Variants in LATS2 observed in about 807,000 individuals in gnomAD.
The protein encoded by LATS2 is large tumor suppressor kinase 2.
In LATS2, 24 loss-of-function variants were observed where a neutral mutation model predicts 76.0. The ratio of observed to expected loss-of-function variants is 0.32; its 90% CI spans 0.23 to 0.44. LATS2 has a LOEUF of 0.44. Ranked by LOEUF, LATS2 falls within the 20% of genes least tolerant of loss-of-function variation. The probability of loss-of-function intolerance (pLI) is 1.00; values close to 1 mark genes in which losing one functional copy is unlikely to be tolerated. For synonymous variants in LATS2, 692 were observed against 635.4 expected (o/e 1.09, Z -1.34); for missense variants, 1,286 against 1,481.2 (o/e 0.87, Z 2.16).
intron 1 of LATS2, among the ~76,000 whole-genome samples, chr13:21,054,446 T>C (rs1873382988): frequency 6.6e-6 from 1 of 151,962 alleles, no homozygotes; most frequent in African/African-American, 2.4e-5. Flanking sequence ...TAAACATAGC[T>C]ACACAATGAG....
Position 20,981,456 on chromosome 13 carries a change from G to A in LATS2, c.2665+10C>T. On this transcript the variant is annotated intron_variant, in intron 6 of 7. Coordinates refer to ENST00000382592, the MANE Select transcript of LATS2 (RefSeq NM_014572.3). ...ACCTCCTGCGGGGTGGCTGGCCATG[G>A]CGCATGTACCTTTGCGGAGGAGCAC... 2 of 1,609,332 alleles carry A rather than the reference G, an allele frequency of 1.2e-6. No homozygotes were observed. The highest frequency in any genetic ancestry group is 1.7e-6 in the Non-Finnish European group (2 of 1,177,374).
chr13:20,975,249 C>G lies in LATS2; in HGVS notation c.2888G>C (p.Gly963Ala). 6.2e-7 allele frequency: 1 copy of G among 1,614,200 alleles called. No homozygotes were observed. The highest frequency in any genetic ancestry group is 8.5e-7 in the Non-Finnish European group (1 of 1,180,040). ...GGGGTGGGCCTTCAGGTCATCGGCC[C>G]CATTCCGCCCCAGGCGGTGGTCTGC... ...CSADHRLGRNGADDLKAHPFF... is the reference protein window; with the variant it reads ...CSADHRLGRNAADDLKAHPFF... The change falls in exon 8 of 8, where the codon GGG (glycine) becomes GCG (alanine). Residue 963 changes from glycine to alanine, a missense_variant. Around this residue, in one of 5 missense-constraint regions of LATS2, gnomAD observed 210 missense variants for 234.9 expected, o/e 0.89. Coordinates refer to ENST00000382592, the MANE Select transcript of LATS2 (RefSeq NM_014572.3).
chr13:21,043,081 C>T (rs1872941253), intron 2 of LATS2, among the ~76,000 whole-genome samples: 1 of 152,106 alleles, frequency 6.6e-6, no homozygotes, highest in Admixed American at 6.6e-5. Context: ...CGCCTGTAAT[C>T]CCAGCACCTT....
chr13:21,049,541 C>T (rs1239445942), intron 1 of LATS2, among the ~76,000 whole-genome samples: 1 of 152,198 alleles, frequency 6.6e-6, no homozygotes, highest in African/African-American at 2.4e-5. Flanking sequence ...GGCTCACTCA[C>T]ATTCCTTACA....
intron 1 of LATS2, among the ~76,000 whole-genome samples, chr13:21,060,960 G>A (rs1245735543): frequency 1.3e-5 from 2 of 151,400 alleles, no homozygotes; most frequent in African/African-American, 2.4e-5. Flanking sequence ...CGGCCTTTCG[G>A]GTCTAGGACA....
chr13:20,981,041 G>A (rs1357220447), intron 6 of LATS2, among the ~76,000 whole-genome samples: 3 of 152,172 alleles, frequency 2.0e-5, no homozygotes, highest in South Asian at 2.1e-4. Context: ...ATCTTCCAAC[G>A]CTGTCACATA....
intron 2 of LATS2, among the ~76,000 whole-genome samples, chr13:20,993,107 G>A (rs190615811): frequency 1.2e-4 from 18 of 151,844 alleles, no homozygotes; most frequent in African/African-American, 3.1e-4. Context: ...GGGGGAGGCC[G>A]TGCAGGGCTG....
At chr13:21,039,582 A>G (rs903205409) in intron 2 of LATS2, among the ~76,000 whole-genome samples, 4 of 152,200 alleles carry the variant, frequency 2.6e-5, no homozygotes, top group Non-Finnish European at 4.4e-5. Context: ...TGGCTGGACT[A>G]GTACACAGAA....
chr13:20,996,138 G>A (rs969078773), intron 2 of LATS2, among the ~76,000 whole-genome samples: 25 of 152,272 alleles, frequency 1.6e-4, no homozygotes, highest in African/African-American at 5.3e-4. Flanking sequence ...CATCATATGA[G>A]CACCAGATTT....
At chr13:20,979,601 A>T in intron 7 of LATS2, 90 bp downstream of exon 7, 1 of 629,338 alleles carries the variant, frequency 1.6e-6, no homozygotes, top group East Asian at 2.9e-5. Flanking sequence ...CCTACTCAGA[A>T]TAAGAGGGCA....
intron 1 of LATS2, among the ~76,000 whole-genome samples, chr13:21,048,093 G>C (rs770154749): frequency 1.3e-5 from 2 of 152,204 alleles, no homozygotes; most frequent in Admixed American, 6.5e-5. Context: ...CAGAAGCCTA[G>C]AGCTCTGCTT....
In LATS2 at chr13:20,983,658, C is replaced by A; in HGVS notation, c.2048G>T (p.Cys683Phe). ...TLGIGAFGEV[C>F]LACKVDTHAL... ...GTGAGTGTCCACCTTACAAGCAAGG[C>A]ACACTTCTCCAAAGGCACCGATCCC... Residue 683 changes from cysteine (C) to phenylalanine (F), a missense_variant, in exon 5 of 8, where the codon TGC (cysteine) becomes TTC (phenylalanine). Cys to Phe is a radical substitution (Grantham distance 205). Coordinates refer to ENST00000382592, the MANE Select transcript of LATS2 (RefSeq NM_014572.3). The A allele has an allele frequency of 6.2e-7, 1 of 1,614,124 alleles. No individual in the cohort carries two copies. Among genetic ancestry groups the A allele is most frequent in the Non-Finnish European group, 8.5e-7 (1 of 1,180,028 alleles).
chr13:20,981,562 G>C lies in LATS2; in HGVS notation c.2569C>G (p.Leu857Val), dbSNP rs200043464. ...TGCTGCTTCCGCGCCCTCTGCTCTA[G>C]GGTCTTCAGCCTGTCCCCACACCGA... is the stretch of plus-strand genomic sequence containing the variant. ...NCRCGDRLKT[L>V]EQRARKQHQR... Residue 857 changes from leucine to valine, a missense_variant, in exon 6 of 8, where the codon CTA becomes GTA. By Grantham distance (32) the Leu-to-Val change is conservative. Transcript: ENST00000382592. The C allele has an allele frequency of 1.9e-6, 3 of 1,614,018 alleles. No homozygotes were observed. Among genetic ancestry groups the C allele is most frequent in the Non-Finnish European group, 2.5e-6 (3 of 1,180,020 alleles).
At chr13:21,030,702 T>C (rs1325585499) in intron 2 of LATS2, among the ~76,000 whole-genome samples, 1 of 152,048 alleles carries the variant, frequency 6.6e-6, no homozygotes, top group East Asian at 1.9e-4. Context: ...ATAGGTATGA[T>C]AAACCTATCA....
intron 2 of LATS2, among the ~76,000 whole-genome samples, chr13:21,030,613 A>AAAAAAAAAAAAG (rs1565960105): frequency 5.4e-3 from 105 of 19,462 alleles, no homozygotes; most frequent in African/African-American, 9.7e-3. Flanking sequence ...AAAAAAAAAG[A>AAAAAAAAAAAAG]AAAAAAAAAA....
intron 4 of LATS2, among the ~76,000 whole-genome samples, chr13:20,986,177 A>C (rs1870133167): frequency 6.6e-6 from 1 of 152,332 alleles, no homozygotes; most frequent in East Asian, 1.9e-4. Flanking sequence ...AATGAGATAT[A>C]ATCTCTCCCC....
chr13:21,008,272 G>C (rs1871437905), intron 2 of LATS2, among the ~76,000 whole-genome samples: 1 of 151,992 alleles, frequency 6.6e-6, no homozygotes, highest in Non-Finnish European at 1.5e-5. Flanking sequence ...TTCTCAAGAG[G>C]CACCCCCTGC....
At chr13:21,059,549 C>G (rs948705074) in intron 1 of LATS2, among the ~76,000 whole-genome samples, 4 of 152,028 alleles carry the variant, frequency 2.6e-5, no homozygotes, top group African/African-American at 9.7e-5. Flanking sequence ...GAGCCGAGAT[C>G]GCGCCACTGC....
At chr13:20,977,267 C>G (rs1456114405) in intron 7 of LATS2, among the ~76,000 whole-genome samples, 1 of 151,748 alleles carries the variant, frequency 6.6e-6, no homozygotes, top group Non-Finnish European at 1.5e-5. Flanking sequence ...TTGTGGCAGG[C>G]ACCTGTAATC....
Sources: gnomAD v4.1 joint callset for allele counts (sites outside exome capture counted in the v4.1 genomes callset) on GRCh38, gnomAD v4.1.1 for gene constraint, gnomAD v4.1.1 regional missense constraint, MANE v1.5 for transcripts, NCBI Gene and HGNC (gene_info 2026-07-23, HGNC 2026-07-21) for gene names.